Variants in FREM1 observed in about 807,000 individuals in gnomAD.
The protein encoded by FREM1 is FRAS1-related extracellular matrix protein 1.
In FREM1, 220 loss-of-function variants were observed where a neutral mutation model predicts 210.1. The observed-to-expected ratio is 1.05, with a 90% CI of 0.94 to 1.17. The LOEUF (loss-of-function observed/expected upper bound fraction) is 1.17, where lower values mean the gene tolerates loss of function less well. FREM1 is among the 50% of genes most tolerant of loss of function. The probability of loss-of-function intolerance (pLI) is 0.00; values close to 1 mark genes in which losing one functional copy is unlikely to be tolerated. For missense variants in FREM1, 3,454 were observed against 2,675.5 expected, an observed-to-expected ratio of 1.29 and a Z score of -6.42; for synonymous variants, 1,189 against 980.2, an observed-to-expected ratio of 1.21 and a Z score of -3.98.
intron 10 of FREM1, among the ~76,000 whole-genome samples, chr9:14,825,221 G>T (rs1053392609): frequency 2.0e-4 from 30 of 151,840 alleles, no homozygotes; most frequent in East Asian, 7.8e-4. Context: ...GGTGCAGGGG[G>T]TCACCCCTGT....
In FREM1 at chr9:14,770,819, C is replaced by A. The variant is rs759458155; in HGVS notation, c.4858-13G>T. The A allele has an allele frequency of 1.2e-6, 2 of 1,600,078 alleles. No individual in the cohort carries two copies. The highest frequency in any genetic ancestry group is 3.4e-5 in the Admixed American group (2 of 58,888). On this transcript the variant is annotated splice_polypyrimidine_tract_variant and intron_variant, in intron 25 of 36. Transcript: ENST00000380880. Reference sequence around the variant, plus strand: ...CCAATTGGTCTACCTGGATCATCAACAATGACATAAAATGTTGTCCAAAGG... The same window carrying A: ...CCAATTGGTCTACCTGGATCATCAAAAATGACATAAAATGTTGTCCAAAGG...
intron 1 of FREM1, among the ~76,000 whole-genome samples, chr9:14,871,128 T>A (rs1832595745): frequency 6.6e-6 from 1 of 152,192 alleles, no homozygotes; most frequent in African/African-American, 2.4e-5. Flanking sequence ...TGTGCATGTG[T>A]CTTTATAGCA....
At chr9:14,894,240 C>T (rs1403371605) in intron 1 of FREM1, among the ~76,000 whole-genome samples, 1 of 152,078 alleles carries the variant, frequency 6.6e-6, no homozygotes, top group Non-Finnish European at 1.5e-5. Flanking sequence ...GGAAAAATTC[C>T]TATAATTCTA....
chr9:14,844,117 T>G (rs980720757), intron 8 of FREM1, among the ~76,000 whole-genome samples: 4 of 152,178 alleles, frequency 2.6e-5, no homozygotes, highest in Non-Finnish European at 5.9e-5. Flanking sequence ...CTATTTTGTG[T>G]CTCCTCTGAA....
At chr9:14,903,213 G>C (rs946708787) in intron 1 of FREM1, among the ~76,000 whole-genome samples, 3 of 152,196 alleles carry the variant, frequency 2.0e-5, no homozygotes, top group Non-Finnish European at 4.4e-5. Flanking sequence ...AAAGTAGGTA[G>C]CAGAGGCCAC....
intron 27 of FREM1, 94 bp downstream of exon 27, chr9:14,769,630 G>T: frequency 1.6e-6 from 2 of 1,261,490 alleles, no homozygotes; most frequent in Non-Finnish European, 2.2e-6. Flanking sequence ...TTATCTTCTT[G>T]GGTTCTGTTT....
chr9:14,845,616 T>A (rs1415894083), intron 8 of FREM1, among the ~76,000 whole-genome samples: 1 of 152,198 alleles, frequency 6.6e-6, no homozygotes, highest in Non-Finnish European at 1.5e-5. Flanking sequence ...AATTTTTCAA[T>A]ATACTTCTTT....
chr9:14,830,584 G>C (rs1299085813), intron 10 of FREM1, among the ~76,000 whole-genome samples: 2 of 152,128 alleles, frequency 1.3e-5, no homozygotes, highest in African/African-American at 4.8e-5. Context: ...CCATCATAAA[G>C]CATGTTAAAA....
intron 19 of FREM1, 84 bp from the exon 20 acceptor site, chr9:14,801,958 G>C (rs1321028125): frequency 6.3e-6 from 6 of 952,712 alleles, no homozygotes; most frequent in South Asian, 5.2e-5. Context: ...GAAATCACTT[G>C]AATATATCCT....
intron 1 of FREM1, among the ~76,000 whole-genome samples, 171 bp from the exon 2 acceptor site, chr9:14,869,415 G>A (rs937210542): frequency 6.6e-6 from 1 of 152,196 alleles, no homozygotes; most frequent in Non-Finnish European, 1.5e-5. Flanking sequence ...AGGCAAAGCA[G>A]CCATTTCATT....
At chr9:14,851,893 A>C (rs1827825105) in intron 5 of FREM1, among the ~76,000 whole-genome samples, 1 of 152,166 alleles carries the variant, frequency 6.6e-6, no homozygotes, top group Admixed American at 6.5e-5. Context: ...GGGAGCACCT[A>C]CTTTGGCATC....
At chr9:14,772,914 C>A (rs1847842283) in intron 25 of FREM1, among the ~76,000 whole-genome samples, 1 of 152,146 alleles carries the variant, frequency 6.6e-6, no homozygotes, top group African/African-American at 2.4e-5. Flanking sequence ...GAAAGTGTTA[C>A]AAAAGTAATA....
intron 27 of FREM1, 38 bp from the exon 28 acceptor site, chr9:14,759,939 T>A: frequency 6.3e-7 from 1 of 1,582,340 alleles, no homozygotes; most frequent in Non-Finnish European, 8.6e-7. Context: ...TGAGAATGCA[T>A]AGTATATGCC....
In FREM1 at chr9:14,823,207, T is replaced by G. The variant is rs982318638; in HGVS notation, c.2290A>C (p.Ile764Leu). Residue 764 changes from isoleucine to leucine, a missense_variant, in exon 13 of 37, where the codon ATC (isoleucine) becomes CTC (leucine). By Grantham distance (5) the Ile-to-Leu change is conservative (BLOSUM62 2). Transcript: ENST00000380880. ...GGGAGGATTGTAATGTTAAAGCAGA[T>G]CCCATGCAAAGTACCGCCATGTTGG... ...SNQHGGTLHG[I>L]CFNITILPVD... 5.0e-6 allele frequency: 8 copies of G among 1,613,816 alleles called. No individual in the cohort carries two copies. Among genetic ancestry groups the G allele is most frequent in the Non-Finnish European group, 6.8e-6 (8 of 1,179,846 alleles).
Position 14,857,533 on chromosome 9 carries a change from C to G in FREM1, c.828+20G>C, listed in dbSNP as rs777664247. Reference sequence around the variant, plus strand: ...TTACTGTGAATCCTGGGGGCACCCACACATAACCCCAAACTCTACCTTGTA... The same window carrying G: ...TTACTGTGAATCCTGGGGGCACCCAGACATAACCCCAAACTCTACCTTGTA... On this transcript the variant is annotated intron_variant, in intron 5 of 36. Coordinates refer to ENST00000380880, the MANE Select transcript of FREM1 (RefSeq NM_001379081.2). 6.2e-7 allele frequency: 1 copy of G among 1,602,306 alleles called. No individual in the cohort carries two copies. The highest frequency in any genetic ancestry group is 8.5e-7 in the Non-Finnish European group (1 of 1,170,650).
intron 19 of FREM1, among the ~76,000 whole-genome samples, chr9:14,802,624 T>C (rs1817496826): frequency 6.6e-6 from 1 of 152,226 alleles, no homozygotes; most frequent in Non-Finnish European, 1.5e-5. Context: ...TGACAATATG[T>C]TACTTAGCTG....
At chr9:14,797,687 C>G (rs778533546) in intron 20 of FREM1, 45 bp from the exon 21 acceptor site, 3 of 1,516,574 alleles carry the variant, frequency 2.0e-6, no homozygotes, top group Non-Finnish European at 2.7e-6. Flanking sequence ...TATGATTGAA[C>G]CATCATGACA....
Position 14,797,661 on chromosome 9 carries a change from A to G in FREM1, c.3695-19T>C, listed in dbSNP as rs1382466814. The stretch of plus-strand genomic sequence containing the variant: ...CTCATTCCTGGAAGAAGGAAAAAAA[A>G]TAAGTAAATCTTCCTTATGATTGAA... On this transcript the variant is annotated intron_variant, in intron 20 of 36. Coordinates refer to ENST00000380880, the MANE Select transcript of FREM1 (RefSeq NM_001379081.2). 3 of 1,600,306 alleles carry G rather than the reference A, an allele frequency of 1.9e-6. 1 individual carries two copies. The highest frequency in any genetic ancestry group is 2.2e-5 in the South Asian group (2 of 90,024).
intron 2 of FREM1, among the ~76,000 whole-genome samples, chr9:14,864,998 T>C (rs1231310251): frequency 1.3e-5 from 2 of 152,236 alleles, no homozygotes; most frequent in Non-Finnish European, 1.5e-5. Flanking sequence ...TTTCATAATA[T>C]GTTTTCCTTT....
Sources: gnomAD v4.1 joint callset for allele counts (sites outside exome capture counted in the v4.1 genomes callset) on GRCh38, gnomAD v4.1.1 for gene constraint, MANE v1.5 for transcripts, NCBI Gene and HGNC (gene_info 2026-07-23, HGNC 2026-07-21) for gene names.